ITIH1: variants seen among roughly 807,000 people sequenced by gnomAD.
ITIH1 encodes inter-alpha-trypsin inhibitor heavy chain H1.
Under a neutral mutation model 104.6 loss-of-function variants are expected in ITIH1, and 94 were observed. The observed-to-expected ratio is 0.90, with a 90% CI of 0.76 to 1.07. The LOEUF (loss-of-function observed/expected upper bound fraction) is 1.07. Among genes scored for constraint, ITIH1 ranks in the 50% least tolerant of loss-of-function variants. The probability of loss-of-function intolerance (pLI) is 0.00; values close to 1 mark genes in which losing one functional copy is unlikely to be tolerated. For synonymous variants in ITIH1, 455 were observed against 464.4 expected, an observed-to-expected ratio of 0.98 and a Z score of 0.26; for missense variants, 1,193 against 1,181.4, an observed-to-expected ratio of 1.01 and a Z score of -0.14.
At chr3:52,781,198 TTTTTTTTTTTTTC>T (rs1163311410) in intron 6 of ITIH1, among the ~76,000 whole-genome samples, 3 of 43,854 alleles carry the variant, frequency 6.8e-5, no homozygotes, top group African/African-American at 3.9e-4. Context: ...CCTCCTCTTC[TTTTTTTTTTTTTC>T]TTCTTCTTCT....
At position 52,779,998 on chromosome 3, in the gene ITIH1, G is replaced by A; in HGVS notation, c.574-271G>A. 7.2e-7 allele frequency: 1 copy of A among 1,394,306 alleles called. No homozygotes were observed. Among genetic ancestry groups the A allele is most frequent in the Non-Finnish European group, 9.3e-7 (1 of 1,073,468 alleles). The allele number at this position is 1,394,306 out of a possible 1,614,324, so 86.4% of individuals were successfully genotyped here. A position where few individuals can be genotyped will look rare whatever the true frequency, so the allele number is the denominator to read the frequency against. On this transcript the variant is annotated intron_variant, in intron 5 of 21. Transcript: ENST00000273283. The surrounding 1 kb of genome is among the most constrained non-coding windows in gnomAD (Gnocchi z 4.4). ...CACCTTCATTTGGTCAGTATTTTTG[G>A]AGTGCCTACTGAGTACCAGGCCCTG...
chr3:52,786,863 T>C, intron 13 of ITIH1, 82 bp from the exon 14 acceptor site: 1 of 1,425,240 alleles, frequency 7.0e-7, no homozygotes, highest in Non-Finnish European at 9.6e-7. Flanking sequence ...AATGAATGAA[T>C]GAATGAATAA....
In ITIH1 at chr3:52,781,966, G is replaced by A; in HGVS notation, c.714G>A (p.Val238=). 6.2e-7 allele frequency: 1 copy of A among 1,614,178 alleles called. No individual in the cohort carries two copies. Among genetic ancestry groups the A allele is most frequent in the Non-Finnish European group, 8.5e-7 (1 of 1,180,034 alleles). ...GTCATGTGCTGTTCCGTCCCACCGT[G>A]AGCCAGCAGCAGTCCTGCCCCACAT... ...KKGHVLFRPT[V]SQQQSCPTCS... The change falls in exon 7 of 22, where the codon GTG becomes GTA. Residue 238 remains valine, a synonymous_variant. Transcript: ENST00000273283.
At position 52,780,295 on chromosome 3, in the gene ITIH1, G is replaced by A; in HGVS notation, c.600G>A (p.Gln200=). ...TTGATGTGGACATCTTCGAGCCCCAGGGGATCAGCAAGCTGGATGCCCAGG... is the reference window on the plus strand; with the variant it reads ...TTGATGTGGACATCTTCGAGCCCCAAGGGATCAGCAAGCTGGATGCCCAGG... ...FEIDVDIFEP[Q]GISKLDAQAS... Residue 200 remains glutamine (Q), a synonymous_variant, in exon 6 of 22, where the codon CAG becomes CAA. Coordinates refer to ENST00000273283, the MANE Select transcript of ITIH1 (RefSeq NM_002215.4). 6.2e-7 allele frequency: 1 copy of A among 1,613,946 alleles called. No individual in the cohort carries two copies. Among genetic ancestry groups the A allele is most frequent in the East Asian group, 2.2e-5 (1 of 44,886 alleles).
Position 52,784,055 on chromosome 3 carries a change from G to A in ITIH1, c.1226-241G>A, listed in dbSNP as rs531475951. ...GGCAAAGGAGCCATGGCAGGATTTC[G>A]AGCAGAATCAGACCTGCTGGTGATG... On this transcript the variant is annotated intron_variant, in intron 10 of 21. Transcript: ENST00000273283. Among the ~76,000 whole-genome samples, 17 of 152,264 alleles carry A rather than the reference G, an allele frequency of 1.1e-4. No homozygotes were observed. In the South Asian group the frequency reaches 1.2e-3, roughly 11 times the overall value.
At position 52,784,537 on chromosome 3, in the gene ITIH1, G is replaced by A. The variant is rs1699150245; in HGVS notation, c.1407+60G>A. The A allele has an allele frequency of 2.3e-5, 36 of 1,542,202 alleles. No homozygotes were observed. In the South Asian group the frequency reaches 4.3e-4, roughly 18 times the overall value. The stretch of plus-strand genomic sequence containing the variant: ...ATGCCATAGGGAGCCCTGCCTTGGT[G>A]GCCGTTTGCCCATCAGCCTAGAGGA... On this transcript the variant is annotated intron_variant, in intron 11 of 21. Transcript: ENST00000273283.
intron 13 of ITIH1, among the ~76,000 whole-genome samples, 198 bp downstream of exon 13, chr3:52,786,632 T>C (rs1359745324): frequency 6.6e-6 from 1 of 152,204 alleles, no homozygotes; most frequent in Non-Finnish European, 1.5e-5. Context: ...CAGCCTGCTA[T>C]TTACCCACAC....
chr3:52,787,778 G>A, intron 16 of ITIH1, 166 bp downstream of exon 16: 1 of 933,478 alleles, frequency 1.1e-6, no homozygotes, highest in South Asian at 1.4e-5. Flanking sequence ...TGGGGGAGGA[G>A]ACAGAGAGGG....
At position 52,786,998 on chromosome 3, in the gene ITIH1, T is replaced by C; in HGVS notation, c.1787T>C (p.Met596Thr). 6 of 1,614,150 alleles carry C rather than the reference T, an allele frequency of 3.7e-6. No individual in the cohort carries two copies. Among genetic ancestry groups the C allele is most frequent in the Non-Finnish European group, 5.1e-6 (6 of 1,179,992 alleles). The change falls in exon 14 of 22, where the codon ATG becomes ACG. Residue 596 changes from methionine (M) to threonine (T), a missense_variant. Met to Thr is a moderately conservative substitution (Grantham distance 81). Transcript: ENST00000273283. ...AACCTGTCATCCCAGGCCCTGCAGATGTCGCTGGACTATGGGTTTGTGACC... is the reference window on the plus strand; with the variant it reads ...AACCTGTCATCCCAGGCCCTGCAGACGTCGCTGGACTATGGGTTTGTGACC... Reference protein sequence around the residue: ...RANLSSQALQMSLDYGFVTPL... With the variant: ...RANLSSQALQTSLDYGFVTPL...
chr3:52,781,601 A>G (rs1313630612), intron 6 of ITIH1, among the ~76,000 whole-genome samples: 1 of 151,994 alleles, frequency 6.6e-6, no homozygotes, highest in Non-Finnish European at 1.5e-5. Flanking sequence ...TTTATTTCTC[A>G]CCACAGTATT....
At chr3:52,778,085 G>A in intron 2 of ITIH1, 68 bp downstream of exon 2, 1 of 1,560,530 alleles carries the variant, frequency 6.4e-7, no homozygotes, top group South Asian at 1.1e-5. Context: ...TCCCCAACCT[G>A]TCAGGGGTGG....
In ITIH1 at chr3:52,785,313, C is replaced by T. The variant is rs1299089878; in HGVS notation, c.1593+84C>T. Reference sequence around the variant, plus strand: ...CACACTGTTCCCCATTCCTGCCATCCCCCAGAGGCCTCTCTTTCCCCAGAG... The same window carrying T: ...CACACTGTTCCCCATTCCTGCCATCTCCCAGAGGCCTCTCTTTCCCCAGAG... On this transcript the variant is annotated intron_variant, in intron 12 of 21. Coordinates refer to ENST00000273283, the MANE Select transcript of ITIH1 (RefSeq NM_002215.4). The T allele has an allele frequency of 1.1e-5, 15 of 1,317,470 alleles. No homozygotes were observed. In the Admixed American group the frequency reaches 2.6e-4, roughly 23 times the overall value. The allele number at this position is 1,317,470 out of a possible 1,614,324, so 81.6% of individuals were successfully genotyped here.
intron 10 of ITIH1, among the ~76,000 whole-genome samples, chr3:52,783,883 A>G (rs976551537): frequency 2.6e-5 from 4 of 151,738 alleles, no homozygotes; most frequent in Admixed American, 2.6e-4. Context: ...GAAAGAGGGG[A>G]GAGTGGCAGG....
At chr3:52,790,079 T>G (rs2270197) in intron 19 of ITIH1, 190,937 of 573,922 alleles carry the variant, frequency 0.33, 34,682 homozygotes, top group Admixed American at 0.45. Context: ...CACCGCACCT[T>G]AGCTCTGAAT....
rs371793816 is a variant in ITIH1 at position 52,790,950 on chromosome 3, G to C, written c.2494+29G>C. ...CGGCTGGCCAGGCTGGCAGGGCTGT[G>C]GGGAAGGGTGTTGAAGCCAGAGGAC... On this transcript the variant is annotated intron_variant, in intron 20 of 21. Transcript: ENST00000273283. 7.6e-6 allele frequency: 12 copies of C among 1,579,820 alleles called. No individual in the cohort carries two copies. The African/African-American group carries it at 1.6e-4, about 22-fold the overall frequency.
intron 2 of ITIH1, 62 bp from the exon 3 acceptor site, chr3:52,778,278 A>C: frequency 1.3e-6 from 2 of 1,542,780 alleles, no homozygotes; most frequent in South Asian, 2.3e-5. Flanking sequence ...CCCGTACCAC[A>C]GGAAGTCCCT....
chr3:52,790,940 G>T lies in ITIH1; in HGVS notation c.2494+19G>T, dbSNP rs771792777. The T allele has an allele frequency of 4.4e-6, 7 of 1,588,202 alleles. No homozygotes were observed. The Admixed American group carries it at 1.3e-4, about 30-fold the overall frequency. ...CTGCTGGGTACGGCTGGCCAGGCTG[G>T]CAGGGCTGTGGGGAAGGGTGTTGAA... On this transcript the variant is annotated intron_variant, in intron 20 of 21. Coordinates refer to ENST00000273283, the MANE Select transcript of ITIH1 (RefSeq NM_002215.4).
In ITIH1 at chr3:52,788,054, C is replaced by T. The variant is rs373390489; in HGVS notation, c.1993C>T (p.Arg665Ter). The change falls in exon 17 of 22, where the codon CGA becomes TGA. Residue 665 changes from arginine (R) to a stop codon, truncating the protein, a stop_gained. Coordinates refer to ENST00000273283, the MANE Select transcript of ITIH1 (RefSeq NM_002215.4). LOFTEE classifies it high-confidence loss of function. ...CTCCAATACCCAGCGGCTGCCAGAC[C>T]GAGTGACCGGCGGTGAGTCCTTGGA... Reference protein sequence around the residue: ...SSSNTQRLPDRVTGVDTDPHF... With the variant: ...SSSNTQRLPD 1.0e-5 allele frequency: 16 copies of T among 1,607,248 alleles called. No individual in the cohort carries two copies. Among genetic ancestry groups the T allele is most frequent in the Non-Finnish European group, 1.4e-5 (16 of 1,176,246 alleles).
At chr3:52,784,813 T>G (rs187068175) in intron 11 of ITIH1, among the ~76,000 whole-genome samples, 17 of 149,766 alleles carry the variant, frequency 1.1e-4, no homozygotes, top group African/African-American at 4.2e-4. Context: ...AGGTGGAGGT[T>G]GCAATGAGCT....
Sources: allele counts gnomAD v4.1 joint callset (sites outside exome capture counted in the v4.1 genomes callset), GRCh38; gene constraint gnomAD v4.1.1; non-coding constraint Gnocchi (gnomAD v3.1); transcripts MANE v1.5; gene names NCBI Gene and HGNC (gene_info 2026-07-23, HGNC 2026-07-21).